Variants in THSD7B observed in about 807,000 individuals in gnomAD.
THSD7B encodes the protein thrombospondin type-1 domain-containing protein 7B.
A neutral mutation model predicts 213.6 loss-of-function variants in THSD7B; 138 were observed. The observed-to-expected ratio is 0.65, with a 90% CI of 0.56 to 0.74. THSD7B has a LOEUF of 0.74. THSD7B is among the 30% of genes least tolerant of loss of function. The pLI, the probability that THSD7B is intolerant of heterozygous loss-of-function variation, is 0.00. For synonymous variants in THSD7B, 742 were observed against 687.0 expected, an observed-to-expected ratio of 1.08 and a Z score of -1.25; for missense variants, 1,931 against 1,991.5, an observed-to-expected ratio of 0.97 and a Z score of 0.58.
intron 15 of THSD7B, among the ~76,000 whole-genome samples, chr2:137,555,060 T>C (rs553848238): frequency 6.6e-6 from 1 of 152,280 alleles, no homozygotes; most frequent in Admixed American, 6.5e-5. Context: ...TCAAACTGGG[T>C]GGAGCCCACT....
At chr2:137,443,971 A>G (rs980726173) in intron 14 of THSD7B, among the ~76,000 whole-genome samples, 2 of 152,048 alleles carry the variant, frequency 1.3e-5, no homozygotes, top group Non-Finnish European at 2.9e-5. Context: ...TTTGTTTGCA[A>G]TACATTAGCA....
In THSD7B at chr2:137,056,576, G is replaced by A. The variant is rs1687166571; in HGVS notation, c.296G>A (p.Trp99Ter). The change falls in exon 3 of 28, where the codon TGG (tryptophan) becomes TAG (stop). Residue 99 changes from tryptophan to a stop codon, truncating the protein, a stop_gained. Coordinates refer to ENST00000409968, the MANE Select transcript of THSD7B (RefSeq NM_001316349.2). LOFTEE classifies it high-confidence loss of function. Reference sequence around the variant, plus strand: ...AGAAGTTGTTTCCGAGTTTGTGACTGGCACAGTGACCTCTTTCAGTGGGAG... The same window carrying A: ...AGAAGTTGTTTCCGAGTTTGTGACTAGCACAGTGACCTCTTTCAGTGGGAG... ...KERSCFRVCD[W>*]HSDLFQWEVS... The A allele has an allele frequency of 6.2e-7, 1 of 1,613,816 alleles. No homozygotes were observed. The highest frequency in any genetic ancestry group is 1.3e-5 in the African/African-American group (1 of 74,898).
At chr2:137,591,267 TACTATCTTTTGTAGTAATGAA>T (rs1327837863) in intron 17 of THSD7B, among the ~76,000 whole-genome samples, 1 of 151,962 alleles carries the variant, frequency 6.6e-6, no homozygotes, top group Admixed American at 6.6e-5. Context: ...TTAATATATT[TACTATCTTTTGTAGTAATGAA>T]ACATTTAAAG....
chr2:137,294,171 C>T (rs1035324072), intron 12 of THSD7B, among the ~76,000 whole-genome samples: 5 of 152,086 alleles, frequency 3.3e-5, no homozygotes, highest in African/African-American at 1.2e-4. Context: ...TATTAAATAC[C>T]TGTGAGCAGC....
chr2:137,618,269 TG>T, intron 18 of THSD7B, 122 bp from the exon 19 acceptor site: 1 of 732,460 alleles, frequency 1.4e-6, no homozygotes, highest in African/African-American at 1.8e-5. Context: ...CAAAGCTACC[TG>T]GAAATGATTT....
At chr2:137,245,024 G>A (rs1681994979) in intron 10 of THSD7B, among the ~76,000 whole-genome samples, 1 of 152,194 alleles carries the variant, frequency 6.6e-6, no homozygotes, top group African/African-American at 2.4e-5. Flanking sequence ...GAAATTTTCA[G>A]TTGTAAGAAG....
intron 1 of THSD7B, among the ~76,000 whole-genome samples, chr2:136,873,021 TAAAAAA>T (rs1553454610): frequency 3.0e-4 from 13 of 43,504 alleles, no homozygotes; most frequent in African/African-American, 1.9e-4. Context: ...AGACTCCATC[TAAAAAA>T]AAAAAAAAAA....
chr2:137,309,095 C>T (rs1025700942), intron 12 of THSD7B, among the ~76,000 whole-genome samples: 1 of 152,054 alleles, frequency 6.6e-6, no homozygotes, highest in Non-Finnish European at 1.5e-5. Context: ...AACATCATAT[C>T]ATTTTATTTT....
At chr2:137,436,560 T>C (rs1180842312) in intron 14 of THSD7B, among the ~76,000 whole-genome samples, 1 of 152,188 alleles carries the variant, frequency 6.6e-6, no homozygotes, top group Non-Finnish European at 1.5e-5. Flanking sequence ...TTTGCATCTA[T>C]TTAGCATTTT....
At chr2:137,383,656 T>C (rs1449735075) in intron 12 of THSD7B, among the ~76,000 whole-genome samples, 1 of 152,196 alleles carries the variant, frequency 6.6e-6, no homozygotes, top group East Asian at 1.9e-4. Flanking sequence ...TCAGAGCCAC[T>C]ATTGCCTGTA....
At chr2:137,675,968 A>C (rs1216572903) in intron 27 of THSD7B, among the ~76,000 whole-genome samples, 1 of 152,232 alleles carries the variant, frequency 6.6e-6, no homozygotes, top group African/African-American at 2.4e-5. Context: ...CTCCATGAGA[A>C]GGAAAAGCAG....
At chr2:136,872,581 CTTTT>C (rs869200973) in intron 1 of THSD7B, among the ~76,000 whole-genome samples, 3 of 145,130 alleles carry the variant, frequency 2.1e-5, no homozygotes, top group African/African-American at 5.4e-5. Context: ...CTTTCTCTTT[CTTTT>C]TCTTTCTTTC....
intron 16 of THSD7B, among the ~76,000 whole-genome samples, chr2:137,563,570 T>C (rs1681168170): frequency 6.6e-6 from 1 of 152,192 alleles, no homozygotes. Context: ...TCCTTTAGCG[T>C]ATCCTGCAAA....
At chr2:136,941,813 G>C (rs1684833722) in intron 2 of THSD7B, among the ~76,000 whole-genome samples, 1 of 152,012 alleles carries the variant, frequency 6.6e-6, no homozygotes, top group South Asian at 2.1e-4. Context: ...TCACTCTGAT[G>C]GTAGTTTCTT....
At chr2:137,454,438 C>G (rs1227703568) in intron 15 of THSD7B, among the ~76,000 whole-genome samples, 1 of 150,266 alleles carries the variant, frequency 6.7e-6, no homozygotes, top group Non-Finnish European at 1.5e-5. Context: ...ATCTATCTAT[C>G]TATCTATCTA....
chr2:137,572,268 A>G, intron 16 of THSD7B, 138 bp from the exon 17 acceptor site: 3 of 982,802 alleles, frequency 3.1e-6, no homozygotes, highest in Non-Finnish European at 4.5e-6. Context: ...AAAGGAGGAA[A>G]GTTTTGTTCC....
At position 137,233,061 on chromosome 2, in the gene THSD7B, C is replaced by T. The variant is rs1207813331; in HGVS notation, c.2078C>T (p.Thr693Met). 17 of 1,613,782 alleles carry T rather than the reference C, an allele frequency of 1.1e-5. No individual in the cohort carries two copies. The African/African-American group carries it at 1.1e-4, about 10-fold the overall frequency. The change falls in exon 9 of 28, where the codon ACG (threonine) becomes ATG (methionine). Residue 693 changes from threonine (T) to methionine (M), a missense_variant. By Grantham distance (81) the Thr-to-Met change is moderately conservative. Coordinates refer to ENST00000409968, the MANE Select transcript of THSD7B (RefSeq NM_001316349.2). ...NATIGWNGEA[T>M]CGVGIQTRRV... ...ACCATTGGCTGGAATGGAGAAGCCA[C>T]GTGTGGTGTAGGCATTCAGACTCGG... is the stretch of plus-strand genomic sequence containing the variant.
chr2:137,629,670 AGGAC>A (rs376253586), intron 20 of THSD7B, among the ~76,000 whole-genome samples: 42 of 152,344 alleles, frequency 2.8e-4, no homozygotes, highest in African/African-American at 9.1e-4. Context: ...AAGGCACAGA[AGGAC>A]TAGGGAAGGA....
chr2:137,530,689 G>T (rs948348915), intron 15 of THSD7B, among the ~76,000 whole-genome samples: 4 of 151,946 alleles, frequency 2.6e-5, no homozygotes, highest in African/African-American at 9.7e-5. Context: ...GCTGTCATAG[G>T]CTTGATCTCA....
Sources: allele counts gnomAD v4.1 joint callset (sites outside exome capture counted in the v4.1 genomes callset), GRCh38; gene constraint gnomAD v4.1.1; transcripts MANE v1.5; gene names NCBI Gene and HGNC (gene_info 2026-07-23, HGNC 2026-07-21).